The following KAT2B variants were observed in gnomAD, a reference collection of about 807,000 sequenced individuals.
KAT2B encodes lysine acetyltransferase 2B.
A neutral mutation model predicts 105.9 loss-of-function variants in KAT2B; 36 were observed. The observed-to-expected ratio is 0.34, with a 90% CI of 0.26 to 0.45. The LOEUF (loss-of-function observed/expected upper bound fraction) is 0.45, where lower values mean the gene tolerates loss of function less well. Ranked by LOEUF, KAT2B falls within the 20% of genes least tolerant of loss-of-function variation. The probability of loss-of-function intolerance (pLI) is 1.00; values close to 1 mark genes in which losing one functional copy is unlikely to be tolerated. For synonymous variants in KAT2B, 397 were observed against 377.9 expected, an observed-to-expected ratio of 1.05 and a Z score of -0.59; for missense variants, 820 against 1,021.6, an observed-to-expected ratio of 0.80 and a Z score of 2.69.
intron 5 of KAT2B, among the ~76,000 whole-genome samples, chr3:20,108,180 T>C (rs1422026577): frequency 1.3e-5 from 2 of 152,128 alleles, no homozygotes; most frequent in African/African-American, 4.8e-5. Context: ...CTAAATGGAG[T>C]CCTACTAGAA....
chr3:20,148,012 G>A lies in KAT2B; in HGVS notation c.2156+13G>A, dbSNP rs781503012. 29 of 1,612,784 alleles carry A rather than the reference G, an allele frequency of 1.8e-5. No homozygotes were observed. In the South Asian group the frequency reaches 2.7e-4, roughly 15 times the overall value. Reference sequence around the variant, plus strand: ...GAAAAGAGAAAAGGTAAGTATGACGGGCAAGAGGATGTTAATGGAAGTGAT... The same window carrying A: ...GAAAAGAGAAAAGGTAAGTATGACGAGCAAGAGGATGTTAATGGAAGTGAT... On this transcript the variant is annotated intron_variant, in intron 15 of 17. Coordinates refer to ENST00000263754, the MANE Select transcript of KAT2B (RefSeq NM_003884.5).
chr3:20,041,301 G>A (rs1369385484), intron 1 of KAT2B, among the ~76,000 whole-genome samples: 1 of 152,122 alleles, frequency 6.6e-6, no homozygotes, highest in Admixed American at 6.5e-5. Flanking sequence ...GCGCGGGGTG[G>A]GAAGGTGGGC....
intron 1 of KAT2B, among the ~76,000 whole-genome samples, chr3:20,062,722 A>C (rs547200670): frequency 6.6e-6 from 1 of 151,810 alleles, no homozygotes; most frequent in East Asian, 2.0e-4. Context: ...TCAGCCTCTC[A>C]AAGTATTGGG....
chr3:20,053,585 G>C (rs1403450985), intron 1 of KAT2B, among the ~76,000 whole-genome samples: 1 of 152,110 alleles, frequency 6.6e-6, no homozygotes, highest in Non-Finnish European at 1.5e-5. Context: ...AGTGTTATGA[G>C]ATCAGTGAGT....
intron 5 of KAT2B, among the ~76,000 whole-genome samples, chr3:20,104,736 C>T (rs926531448): frequency 6.6e-6 from 1 of 152,138 alleles, no homozygotes; most frequent in Non-Finnish European, 1.5e-5. Context: ...GTGGAAAAGA[C>T]TGGACTTAGA....
chr3:20,112,273 C>CAA (rs1355960113), intron 6 of KAT2B, among the ~76,000 whole-genome samples: 1 of 151,704 alleles, frequency 6.6e-6, no homozygotes, highest in Admixed American at 6.6e-5. Flanking sequence ...AACTAGACTG[C>CAA]AAAAGCAGGG....
rs149138881 is a variant in KAT2B, at chr3:20,148,023, G to A, written c.2156+24G>A. 18 of 1,605,120 alleles carry A rather than the reference G, an allele frequency of 1.1e-5. No homozygotes were observed. The Admixed American group carries it at 2.5e-4, about 23-fold the overall frequency. On this transcript the variant is annotated intron_variant, in intron 15 of 17. Coordinates refer to ENST00000263754, the MANE Select transcript of KAT2B (RefSeq NM_003884.5). ...AGGTAAGTATGACGGGCAAGAGGAT[G>A]TTAATGGAAGTGATTTTTTTTTTTC...
chr3:20,049,655 A>G (rs2125165257), intron 1 of KAT2B, among the ~76,000 whole-genome samples: 1 of 151,894 alleles, frequency 6.6e-6, no homozygotes, highest in South Asian at 2.1e-4. Flanking sequence ...ACTCCAATTG[A>G]GAGGTATGTT....
intron 1 of KAT2B, among the ~76,000 whole-genome samples, chr3:20,067,400 C>T (rs1426250079): frequency 2.0e-5 from 3 of 152,016 alleles, no homozygotes; most frequent in African/African-American, 7.2e-5. Context: ...ATTTGTGACT[C>T]ACCCATTTAT....
At chr3:20,125,426 G>A (rs1699384104) in intron 9 of KAT2B, among the ~76,000 whole-genome samples, 1 of 152,084 alleles carries the variant, frequency 6.6e-6, no homozygotes, top group Non-Finnish European at 1.5e-5. Context: ...CTTGAAGCCA[G>A]AGGTTGGCAA....
At chr3:20,057,843 G>A (rs927750600) in intron 1 of KAT2B, among the ~76,000 whole-genome samples, 2 of 152,122 alleles carry the variant, frequency 1.3e-5, no homozygotes, top group African/African-American at 2.4e-5. Context: ...TGCCAAGGGG[G>A]TTCCAGACCT....
intron 3 of KAT2B, among the ~76,000 whole-genome samples, chr3:20,096,701 C>G (rs1461378130): frequency 2.6e-5 from 4 of 152,120 alleles, no homozygotes; most frequent in African/African-American, 9.7e-5. Flanking sequence ...TGAGTTCCCT[C>G]TTTTGCTTTG....
chr3:20,135,469 A>C (rs1178215995), intron 11 of KAT2B, among the ~76,000 whole-genome samples: 4 of 152,114 alleles, frequency 2.6e-5, no homozygotes, highest in African/African-American at 9.7e-5. Flanking sequence ...CCTGGCTAAC[A>C]CAGTGAAACC....
intron 11 of KAT2B, among the ~76,000 whole-genome samples, chr3:20,127,988 C>G (rs1699435765): frequency 6.6e-6 from 1 of 152,192 alleles, no homozygotes; most frequent in Non-Finnish European, 1.5e-5. Flanking sequence ...CGGTCCCTAA[C>G]AGGCCACGGA....
chr3:20,135,377 G>T (rs981054094), intron 11 of KAT2B, among the ~76,000 whole-genome samples: 3 of 152,028 alleles, frequency 2.0e-5, no homozygotes, highest in Admixed American at 6.6e-5. Context: ...ATTAGTGGCC[G>T]GGCGCGGTGG....
At chr3:20,074,121 G>A (rs1698376892) in intron 2 of KAT2B, among the ~76,000 whole-genome samples, 1 of 152,030 alleles carries the variant, frequency 6.6e-6, no homozygotes. Flanking sequence ...CCTTTGACCT[G>A]GCAAATCCAT....
At chr3:20,114,034 T>A (rs1273840923) in intron 6 of KAT2B, among the ~76,000 whole-genome samples, 1 of 152,172 alleles carries the variant, frequency 6.6e-6, no homozygotes, top group Non-Finnish European at 1.5e-5. Flanking sequence ...GTGAAAAAAA[T>A]TCAGTAAGCC....
At chr3:20,088,643 T>C (rs1326154518) in intron 2 of KAT2B, among the ~76,000 whole-genome samples, 1 of 152,222 alleles carries the variant, frequency 6.6e-6, no homozygotes, top group African/African-American at 2.4e-5. Flanking sequence ...TTTTGGATAT[T>C]AGCTTCATCA....
At chr3:20,066,662 A>C (rs62243098) in intron 1 of KAT2B, among the ~76,000 whole-genome samples, 22,298 of 151,890 alleles carry the variant, frequency 0.15, 2,041 homozygotes, top group Middle Eastern at 0.22. Flanking sequence ...CGGCATCCCA[A>C]AGTGCTGGGA....
Sources: gnomAD v4.1 joint callset for allele counts (sites outside exome capture counted in the v4.1 genomes callset) on GRCh38, gnomAD v4.1.1 for gene constraint, MANE v1.5 for transcripts, NCBI Gene and HGNC (gene_info 2026-07-23, HGNC 2026-07-21) for gene names.